Variants in R3HDM4 observed in about 807,000 individuals in gnomAD.
R3HDM4 encodes the protein R3H domain-containing protein 4.
R3HDM4 carries 30 observed loss-of-function variants against 31.3 expected under a neutral mutation model. The observed-to-expected ratio is 0.96, with a 90% CI of 0.72 to 1.30. The LOEUF is 1.30. Among genes scored for constraint, R3HDM4 ranks in the 50% most tolerant of loss-of-function variants. The probability of loss-of-function intolerance (pLI) is 0.00; values close to 1 mark genes in which losing one functional copy is unlikely to be tolerated. For synonymous variants in R3HDM4, 196 were observed against 156.6 expected (o/e 1.25, Z -1.88); for missense variants, 444 against 366.1 (o/e 1.21, Z -1.74).
At chr19:909,349 C>G (rs902293667) in intron 1 of R3HDM4, among the ~76,000 whole-genome samples, 3 of 152,178 alleles carry the variant, frequency 2.0e-5, no homozygotes, top group Admixed American at 1.3e-4. Flanking sequence ...GCGGAGGTGA[C>G]TCAGCCTGGG....
Position 899,366 on chromosome 19 carries a change from A to G in R3HDM4, c.703+74T>C. The G allele has an allele frequency of 4.8e-6, 7 of 1,463,668 alleles. No homozygotes were observed. Among genetic ancestry groups the G allele is most frequent in the Non-Finnish European group, 6.7e-6 (7 of 1,048,096 alleles). The allele number at this position is 1,463,668 out of a possible 1,614,324, so 90.7% of individuals were successfully genotyped here. ...CCACCAAGCCCCACTCTGAGGAACCAGGCCCCTGGGACCCTGGCCACTTTC... is the reference window on the plus strand; with the variant it reads ...CCACCAAGCCCCACTCTGAGGAACCGGGCCCCTGGGACCCTGGCCACTTTC... On this transcript the variant is annotated intron_variant, in intron 7 of 7. Coordinates refer to ENST00000361574, the MANE Select transcript of R3HDM4 (RefSeq NM_138774.4). The surrounding 1 kb of genome is among the most constrained non-coding windows in gnomAD (Gnocchi z 6.8).
At chr19:901,370 G>T in intron 3 of R3HDM4, 52 bp downstream of exon 3, 1 of 1,569,760 alleles carries the variant, frequency 6.4e-7, no homozygotes. Flanking sequence ...CTGGCCGTAG[G>T]AGAACTGCCG....
chr19:909,883 G>C (rs998123301), intron 1 of R3HDM4, among the ~76,000 whole-genome samples: 1 of 151,770 alleles, frequency 6.6e-6, no homozygotes, highest in East Asian at 2.0e-4. Flanking sequence ...GTGGTTCAAG[G>C]CCCCCTTAGA....
chr19:905,461 T>G (rs532618038), intron 1 of R3HDM4, among the ~76,000 whole-genome samples: 2 of 144,468 alleles, frequency 1.4e-5, no homozygotes, highest in African/African-American at 5.2e-5. Context: ...GCCAAGATCA[T>G]GCCGTTGCAC....
At position 900,067 on chromosome 19, in the gene R3HDM4, G is replaced by A. The variant is rs745670393; in HGVS notation, c.555C>T (p.Ile185=). ...CCGGCAATCCCCCACTCACCATGGG[G>A]ATGCGGCTGCGCTTGAGGACGGCTC... ...RLRAVLKRSR[I]PMETLETWEE... is the part of the protein sequence containing the mutation. The change falls in exon 5 of 8, where the codon ATC becomes ATT. Residue 185 remains isoleucine, a synonymous_variant. Coordinates refer to ENST00000361574, the MANE Select transcript of R3HDM4 (RefSeq NM_138774.4). 6 of 1,611,860 alleles carry A rather than the reference G, an allele frequency of 3.7e-6. No individual in the cohort carries two copies. In the South Asian group the frequency reaches 5.5e-5, roughly 15 times the overall value.
rs149132495 is a variant in R3HDM4, at chr19:907,682, A to G, written c.71+5405T>C. On this transcript the variant is annotated intron_variant, in intron 1 of 7. Coordinates refer to ENST00000361574, the MANE Select transcript of R3HDM4 (RefSeq NM_138774.4). The surrounding 1 kb of genome is among the most constrained non-coding windows in gnomAD (Gnocchi z 4.1). ...CACAGGCCTCTCCTCCAGGCCCACA[A>G]GGACCTGCCTGGTCCTTCCCCTGCT... Among the ~76,000 whole-genome samples, 121 of 152,190 alleles carry G rather than the reference A, an allele frequency of 8.0e-4. No individual in the cohort carries two copies. Among genetic ancestry groups the G allele is most frequent in the Middle Eastern group, 3.4e-3 (1 of 294 alleles).
intron 2 of R3HDM4, 50 bp downstream of exon 2, chr19:901,926 T>C (rs200207220): frequency 5.0e-5 from 80 of 1,605,006 alleles, no homozygotes; most frequent in Admixed American, 3.2e-4. Flanking sequence ...ATGCATGCCA[T>C]TCTACAAGGC....
At chr19:910,904 G>A (rs2036963004) in intron 1 of R3HDM4, among the ~76,000 whole-genome samples, 2 of 152,012 alleles carry the variant, frequency 1.3e-5, no homozygotes, top group Non-Finnish European at 2.9e-5. Context: ...CAGATCACAA[G>A]GTCAAGAGAT....
chr19:898,232 ATAT>A (rs2036767867), intron 7 of R3HDM4, among the ~76,000 whole-genome samples: 2 of 97,900 alleles, frequency 2.0e-5, no homozygotes, highest in African/African-American at 8.7e-5. Flanking sequence ...AAAAAAAAAT[ATAT>A]ATATATATAT....
chr19:900,914 C>G lies in R3HDM4; in HGVS notation c.390G>C (p.Gln130His). The G allele has an allele frequency of 1.2e-6, 2 of 1,609,212 alleles. No individual in the cohort carries two copies. The highest frequency in any genetic ancestry group is 1.7e-6 in the Non-Finnish European group (2 of 1,178,838). Residue 130 changes from glutamine to histidine, a missense_variant, in exon 4 of 8, where the codon CAG becomes CAC. Gln to His is a conservative substitution (Grantham distance 24, BLOSUM62 0). Coordinates refer to ENST00000361574, the MANE Select transcript of R3HDM4 (RefSeq NM_138774.4). ...CCTCCAGGTAGCGAAGAACCCGCTC[C>G]TGCTCCTCCCCGGAGCGGTTCATGA... ...NDFMNRSGEE[Q>H]ERVLRYLEDE...
At position 902,085 on chromosome 19, in the gene R3HDM4, C is replaced by T. The variant is rs751462041; in HGVS notation, c.117G>A (p.Lys39=). The part of the protein sequence containing the change: ...CLPALASSQV[K]RLSASRRKQH... The stretch of plus-strand genomic sequence containing the variant: ...GTTTCCGCCTGGAAGCCGAGAGTCT[C>T]TTCACCTGGGAGCTGGCTAGGGCAG... Residue 39 remains lysine, a synonymous_variant, in exon 2 of 8, where the codon AAG becomes AAA. Transcript: ENST00000361574. 8.7e-6 allele frequency: 14 copies of T among 1,613,848 alleles called. No individual in the cohort carries two copies. The South Asian group carries it at 1.5e-4, about 18-fold the overall frequency.
intron 4 of R3HDM4, 45 bp from the exon 5 acceptor site, chr19:900,191 TG>T: frequency 6.8e-7 from 1 of 1,475,094 alleles, no homozygotes; most frequent in Non-Finnish European, 9.1e-7. Flanking sequence ...GTGCTCGTCC[TG>T]GCCCTGCCCA....
rs1249941024 is a variant in R3HDM4, at chr19:899,257, G to A, written c.703+183C>T. On this transcript the variant is annotated intron_variant, in intron 7 of 7. Coordinates refer to ENST00000361574, the MANE Select transcript of R3HDM4 (RefSeq NM_138774.4). The surrounding 1 kb of genome is among the most constrained non-coding windows in gnomAD (Gnocchi z 6.8). ...ACCCTGCGTGGGGCCGCATATGCAG[G>A]GAGCTTCTGGTGAATTCAAGGCAGG... 6.6e-6 allele frequency among the ~76,000 whole-genome samples: 1 copy of A among 152,100 alleles called. No individual in the cohort carries two copies. The highest frequency in any genetic ancestry group is 1.5e-5 in the Non-Finnish European group (1 of 67,994).
chr19:909,275 C>T (rs1404597218), intron 1 of R3HDM4, among the ~76,000 whole-genome samples: 1 of 152,194 alleles, frequency 6.6e-6, no homozygotes, highest in East Asian at 1.9e-4. Context: ...GGTCCCTCCC[C>T]CAGGAACCCA....
intron 7 of R3HDM4, among the ~76,000 whole-genome samples, 184 bp from the exon 8 acceptor site, chr19:897,724 C>T (rs2036759308): frequency 6.6e-6 from 1 of 152,268 alleles, no homozygotes; most frequent in Non-Finnish European, 1.5e-5. Context: ...ACAAGAATAC[C>T]TAAGGCTCCC....
At position 897,111 on chromosome 19, in the gene R3HDM4, C is replaced by T. The variant is rs1216716750; in HGVS notation, c.*326G>A. On this transcript the variant is annotated 3_prime_UTR_variant, in exon 8 of 8. Coordinates refer to ENST00000361574, the MANE Select transcript of R3HDM4 (RefSeq NM_138774.4). ...AAATTCATTAAAAGTGATAAAAACC[C>T]AGCCTCCCCCTCCTCACTTGAGCTT... The T allele has an allele frequency of 6.8e-6, 2 of 295,510 alleles. No individual in the cohort carries two copies. 18.3% of individuals were successfully genotyped at this position (295,510 alleles called of 1,614,324 possible). A position where few individuals can be genotyped will look rare whatever the true frequency, so the allele number is the denominator to read the frequency against.
chr19:902,016 G>C lies in R3HDM4; in HGVS notation c.186C>G (p.Pro62=). 1 of 1,613,882 alleles carries C rather than the reference G, an allele frequency of 6.2e-7. No homozygotes were observed. Among genetic ancestry groups the C allele is most frequent in the Non-Finnish European group, 8.5e-7 (1 of 1,180,006 alleles). Residue 62 remains proline (P), a synonymous_variant, in exon 2 of 8, where the codon CCC becomes CCG. Transcript: ENST00000361574. ...NQAVRNSDLV[P]KAKGRKSLQR... ...GGAGGCTCTTCCGCCCCTTGGCCTT[G>C]GGCACGAGGTCTGAGTTCCGCACTG...
In R3HDM4 at chr19:901,202, C is replaced by CGG. The variant is rs2036832230; in HGVS notation, c.351+219_351+220insCC. On this transcript the variant is annotated intron_variant, in intron 3 of 7. Coordinates refer to ENST00000361574, the MANE Select transcript of R3HDM4 (RefSeq NM_138774.4). ...ACTCCTGCAATCGTTGGAGGGTTCC[C>CGG]AAACGTGTTGGGCAGGTGAATCCAG... 4.4e-6 allele frequency: 3 copies of CGG among 674,840 alleles called. No individual in the cohort carries two copies. The East Asian group carries it at 8.5e-5, about 19-fold the overall frequency. 41.8% of individuals were successfully genotyped at this position (674,840 alleles called of 1,614,324 possible). A position where few individuals can be genotyped will look rare whatever the true frequency, so the allele number is the denominator to read the frequency against.
chr19:907,772 G>A lies in R3HDM4; in HGVS notation c.71+5315C>T, dbSNP rs893165772. Among the ~76,000 whole-genome samples, 2 of 152,160 alleles carry A rather than the reference G, an allele frequency of 1.3e-5. No homozygotes were observed. The highest frequency in any genetic ancestry group is 2.9e-5 in the Non-Finnish European group (2 of 68,018). On this transcript the variant is annotated intron_variant, in intron 1 of 7. Coordinates refer to ENST00000361574, the MANE Select transcript of R3HDM4 (RefSeq NM_138774.4). The surrounding 1 kb of genome is among the most constrained non-coding windows in gnomAD (Gnocchi z 4.1). The stretch of plus-strand genomic sequence containing the variant: ...CCTGGCTCCCCCTTGGCCTAGCACT[G>A]CAACACGAGGGCTTTCGCCTGTTTT...
Sources: gnomAD v4.1 joint callset for allele counts (sites outside exome capture counted in the v4.1 genomes callset) on GRCh38, gnomAD v4.1.1 for gene constraint, Gnocchi (gnomAD v3.1) non-coding constraint, MANE v1.5 for transcripts, NCBI Gene and HGNC (gene_info 2026-07-23, HGNC 2026-07-21) for gene names.